PIK3IP1: variants seen among roughly 807,000 people sequenced by gnomAD.
PIK3IP1 encodes the protein phosphoinositide-3-kinase-interacting protein 1.
Under a neutral mutation model 30.7 loss-of-function variants are expected in PIK3IP1, and 28 were observed. The ratio of observed to expected loss-of-function variants is 0.91; its 90% CI spans 0.68 to 1.25. The LOEUF (loss-of-function observed/expected upper bound fraction) is 1.25. Ranked by LOEUF, PIK3IP1 falls within the 50% of genes most tolerant of loss-of-function variation. The pLI, the probability that PIK3IP1 is intolerant of heterozygous loss-of-function variation, is 0.00. For synonymous variants in PIK3IP1, 159 were observed against 140.8 expected (o/e 1.13, Z -0.91); for missense variants, 333 against 346.2 (o/e 0.96, Z 0.30).
In PIK3IP1 at chr22:31,283,134, G is replaced by T; in HGVS notation, c.742C>A (p.Gln248Lys). The T allele has an allele frequency of 4.3e-6, 7 of 1,613,594 alleles. No individual in the cohort carries two copies. Among genetic ancestry groups the T allele is most frequent in the Non-Finnish European group, 5.9e-6 (7 of 1,179,772 alleles). Residue 248 changes from glutamine to lysine, a missense_variant, in exon 6 of 6, where the codon CAG becomes AAG. Physicochemically the swap from Gln to Lys is moderately conservative, Grantham distance 53 (BLOSUM62 1). Coordinates refer to ENST00000215912, the MANE Select transcript of PIK3IP1 (RefSeq NM_052880.5). ...CCCATAAGGGGGGTGGTGCCCTCCTGAGGGTCAACTGGAGTCTGGCTGGTG... is the reference window on the plus strand; with the variant it reads ...CCCATAAGGGGGGTGGTGCCCTCCTTAGGGTCAACTGGAGTCTGGCTGGTG... ...VHTSQTPVDP[Q>K]EGTTPLMGQA...
chr22:31,291,813 T>A (rs552201313), intron 1 of PIK3IP1, among the ~76,000 whole-genome samples: 2,030 of 151,320 alleles, frequency 0.013, 19 homozygotes, highest in Middle Eastern at 0.027. Context: ...AGGCAAATAC[T>A]CCCTCCCAGG....
rs368340441 is a variant in PIK3IP1 at position 31,283,102 on chromosome 22, G to A, written c.774C>T (p.Ala258=). Residue 258 remains alanine, a synonymous_variant, in exon 6 of 6, where the codon GCC becomes GCT. Transcript: ENST00000215912. The stretch of plus-strand genomic sequence containing the variant: ...GGGGGGCTCAGGCCCCAGGAGTCCC[G>A]GCCTGGCCCATAAGGGGGGTGGTGC... ...QEGTTPLMGQ[A]GTPGA is the part of the protein sequence containing the mutation. The A allele has an allele frequency of 3.5e-5, 56 of 1,604,212 alleles. No individual in the cohort carries two copies. The highest frequency in any genetic ancestry group is 2.7e-4 in the East Asian group (12 of 44,630).
chr22:31,286,538 G>A (rs974816771), intron 5 of PIK3IP1, among the ~76,000 whole-genome samples: 1 of 152,228 alleles, frequency 6.6e-6, no homozygotes, highest in South Asian at 2.1e-4. Flanking sequence ...GTGACGGGGA[G>A]TCTGATGACT....
chr22:31,286,186 T>C (rs143374387), intron 5 of PIK3IP1, among the ~76,000 whole-genome samples: 157 of 152,118 alleles, frequency 1.0e-3, no homozygotes, highest in African/African-American at 3.5e-3. Context: ...GGGAAGAGCA[T>C]ACAGTAGGGC....
chr22:31,289,669 G>C lies in PIK3IP1; in HGVS notation c.338C>G (p.Thr113Arg). ...ETTSQALPAF[T>R]TEIQEASEGP... ...TTCAGACGCTTCCTGGATTTCTGTCGTGAAGGCTGGCAGGGCCTGGGAGGT... is the reference window on the plus strand; with the variant it reads ...TTCAGACGCTTCCTGGATTTCTGTCCTGAAGGCTGGCAGGGCCTGGGAGGT... Residue 113 changes from threonine (T) to arginine (R), a missense_variant, in exon 4 of 6, where the codon ACG becomes AGG. Physicochemically the swap from Thr to Arg is moderately conservative, Grantham distance 71. Around this residue, in one of 3 missense-constraint regions of PIK3IP1, gnomAD observed 217 missense variants for 227.7 expected, o/e 0.95. Transcript: ENST00000215912. 6.4e-7 allele frequency: 1 copy of C among 1,553,276 alleles called. No individual in the cohort carries two copies. Among genetic ancestry groups the C allele is most frequent in the Non-Finnish European group, 8.7e-7 (1 of 1,147,570 alleles).
rs569040132 is a variant in PIK3IP1, at chr22:31,287,284, G to A, written c.587+2031C>T. On this transcript the variant is annotated intron_variant, in intron 5 of 5. Coordinates refer to ENST00000215912, the MANE Select transcript of PIK3IP1 (RefSeq NM_052880.5). Reference sequence around the variant, plus strand: ...TCCACCCACCTCTGCCTCCCAAAGTGCTAGGATTACAGGTGTGAGCCACTA... The same window carrying A: ...TCCACCCACCTCTGCCTCCCAAAGTACTAGGATTACAGGTGTGAGCCACTA... Among the ~76,000 whole-genome samples the A allele has an allele frequency of 4.0e-5, 6 of 148,900 alleles. No individual in the cohort carries two copies. In the South Asian group the frequency reaches 1.3e-3, roughly 32 times the overall value.
rs564712818 is a variant in PIK3IP1, at chr22:31,284,842, C to T, written c.588-1554G>A. ...GGCCTAGACTACCAGGACAAAGACCCGGCCAGGCTGAGCTCCCACCCACCC... is the reference window on the plus strand; with the variant it reads ...GGCCTAGACTACCAGGACAAAGACCTGGCCAGGCTGAGCTCCCACCCACCC... On this transcript the variant is annotated intron_variant, in intron 5 of 5. Transcript: ENST00000215912. Among the ~76,000 whole-genome samples the T allele has an allele frequency of 3.9e-5, 6 of 152,232 alleles. No homozygotes were observed. The South Asian group carries it at 1.0e-3, about 26-fold the overall frequency.
chr22:31,291,382 C>G (rs2049177620), intron 1 of PIK3IP1, 86 bp from the exon 2 acceptor site: 2 of 1,354,110 alleles, frequency 1.5e-6, no homozygotes, highest in Non-Finnish European at 2.1e-6. Context: ...GCCGGGACCA[C>G]CCGGGCTGAA....
chr22:31,290,886 G>T, intron 3 of PIK3IP1, 79 bp downstream of exon 3: 1 of 1,455,634 alleles, frequency 6.9e-7, no homozygotes. Flanking sequence ...GCATCGCGCG[G>T]CCGCACGTGC....
Position 31,282,276 on chromosome 22 carries a change from A to G in PIK3IP1, c.*808T>C, listed in dbSNP as rs1333165259. On this transcript the variant is annotated 3_prime_UTR_variant, in exon 6 of 6. Transcript: ENST00000215912. ...CCCCACAGTATAATTCCCATAGGTT[A>G]GCTAACTACTCTCTTACCTGTGCAA... 1 of 152,488 alleles carries G rather than the reference A, an allele frequency of 6.6e-6. No homozygotes were observed. The highest frequency in any genetic ancestry group is 6.5e-5 in the Admixed American group (1 of 15,280). 9.4% of individuals were successfully genotyped at this position (152,488 alleles called of 1,614,324 possible).
intron 1 of PIK3IP1, 103 bp downstream of exon 1, chr22:31,292,172 T>TA (rs1353771424): frequency 8.5e-7 from 1 of 1,181,348 alleles, no homozygotes; most frequent in African/African-American, 1.5e-5. Context: ...AGAAACCGGC[T>TA]AAACGCTTCG....
At position 31,291,294 on chromosome 22, in the gene PIK3IP1, A is replaced by C. The variant is rs1486296358; in HGVS notation, c.73T>G (p.Cys25Gly). Reference protein sequence around the residue: ...LLAEAYGSGGCFWDNGHLYRE... With the variant: ...LLAEAYGSGGGFWDNGHLYRE... ...TACAGGTGGCCGTTGTCCCAGAAACAGCCTGTGAGGAAAAGAAGCCCCCGG... is the reference window on the plus strand; with the variant it reads ...TACAGGTGGCCGTTGTCCCAGAAACCGCCTGTGAGGAAAAGAAGCCCCCGG... The change falls in exon 2 of 6, where the codon TGT becomes GGT. Residue 25 changes from cysteine to glycine, a missense_variant and splice_region_variant. Cys to Gly is a radical substitution (Grantham distance 159). Around this residue, in one of 3 missense-constraint regions of PIK3IP1, gnomAD observed 111 missense variants for 100.1 expected, o/e 1.11. Transcript: ENST00000215912. The C allele has an allele frequency of 6.4e-7, 1 of 1,557,002 alleles. No homozygotes were observed. Among genetic ancestry groups the C allele is most frequent in the South Asian group, 1.2e-5 (1 of 84,474 alleles).
rs1337321474 is a variant in PIK3IP1, at chr22:31,291,211, C to T, written c.156G>A (p.Ala52=). The change falls in exon 2 of 6, where the codon GCG becomes GCA. Residue 52 remains alanine, a synonymous_variant. Coordinates refer to ENST00000215912, the MANE Select transcript of PIK3IP1 (RefSeq NM_052880.5). ...CGGGGGCCGAGGCCAGCCCGCTCTGCGCGTCCAGCCAGTTGAGGCAGCGGA... is the reference window on the plus strand; with the variant it reads ...CGGGGGCCGAGGCCAGCCCGCTCTGTGCGTCCAGCCAGTTGAGGCAGCGGA... ...PGLRCLNWLD[A]QSGLASAPVS... The T allele has an allele frequency of 3.9e-6, 6 of 1,549,238 alleles. No individual in the cohort carries two copies. Among genetic ancestry groups the T allele is most frequent in the Admixed American group, 2.0e-5 (1 of 50,958 alleles).
At chr22:31,287,646 A>C (rs1458695989) in intron 5 of PIK3IP1, among the ~76,000 whole-genome samples, 2 of 152,000 alleles carry the variant, frequency 1.3e-5, no homozygotes, top group Admixed American at 6.6e-5. Context: ...TTTATAGAAA[A>C]GAAAAACAGC....
rs183633681 is a variant in PIK3IP1 at position 31,285,674 on chromosome 22, A to G, written c.588-2386T>C. ...GACTTTAAACCCAGCCTTTTTTTAA[A>G]TTTCTATTTTTCCTACTTTCCTTTG... On this transcript the variant is annotated intron_variant, in intron 5 of 5. Transcript: ENST00000215912. Among the ~76,000 whole-genome samples, 22 of 152,240 alleles carry G rather than the reference A, an allele frequency of 1.4e-4. No individual in the cohort carries two copies. The East Asian group carries it at 3.7e-3, about 25-fold the overall frequency.
chr22:31,290,693 C>T (rs1447345201), intron 3 of PIK3IP1: 3 of 432,746 alleles, frequency 6.9e-6, no homozygotes, highest in Non-Finnish European at 1.2e-5. Context: ...CCAAAAGCCA[C>T]TCCTCAGGAC....
In PIK3IP1 at chr22:31,292,356, T is replaced by C. The variant is rs781325136; in HGVS notation, c.-12A>G. ...CAGGCCAACAGCATCCTTGCCTCCTTCGTCTTGCAGGTGATTGAACGACCA... is the reference window on the plus strand; with the variant it reads ...CAGGCCAACAGCATCCTTGCCTCCTCCGTCTTGCAGGTGATTGAACGACCA... On this transcript the variant is annotated 5_prime_UTR_variant, in exon 1 of 6. Coordinates refer to ENST00000215912, the MANE Select transcript of PIK3IP1 (RefSeq NM_052880.5). The C allele has an allele frequency of 2.1e-5, 34 of 1,613,988 alleles. No homozygotes were observed. In the South Asian group the frequency reaches 3.0e-4, roughly 14 times the overall value.
chr22:31,285,663 C>A (rs5753540), intron 5 of PIK3IP1, among the ~76,000 whole-genome samples: 6,811 of 152,262 alleles, frequency 0.045, 569 homozygotes, highest in East Asian at 0.37. Context: ...TTAAACCCAG[C>A]CTTTTTTTAA....
intron 5 of PIK3IP1, among the ~76,000 whole-genome samples, chr22:31,283,798 G>A (rs550588907): frequency 2.0e-5 from 3 of 151,962 alleles, no homozygotes; most frequent in Admixed American, 6.6e-5. Context: ...TCTGAACTTC[G>A]GACCTAACCC....
Sources: allele counts gnomAD v4.1 joint callset (sites outside exome capture counted in the v4.1 genomes callset), GRCh38; gene constraint gnomAD v4.1.1; regional missense constraint gnomAD v4.1.1; transcripts MANE v1.5; gene names NCBI Gene and HGNC (gene_info 2026-07-23, HGNC 2026-07-21).